The following SMYD2 variants were observed in gnomAD, a reference collection of about 807,000 sequenced individuals.
The protein encoded by SMYD2 is N-lysine methyltransferase SMYD2.
SMYD2 carries 53 observed loss-of-function variants against 59.1 expected under a neutral mutation model. The observed-to-expected ratio is 0.90, with a 90% CI of 0.72 to 1.13. The LOEUF is 1.13. Ranked by LOEUF, SMYD2 falls within the 50% of genes most tolerant of loss-of-function variation. The pLI is 0.00. For missense variants in SMYD2, 494 were observed against 544.7 expected, an observed-to-expected ratio of 0.91 and a Z score of 0.93; for synonymous variants, 208 against 198.8, an observed-to-expected ratio of 1.05 and a Z score of -0.39.
intron 1 of SMYD2, among the ~76,000 whole-genome samples, chr1:214,295,936 G>A (rs1172602203): frequency 6.6e-6 from 1 of 152,172 alleles, no homozygotes; most frequent in African/African-American, 2.4e-5. Context: ...TTCAACCTAT[G>A]GTGAAGTTAT....
At chr1:214,332,344 C>T (rs1657369727) in intron 10 of SMYD2, 152 bp downstream of exon 10, 1 of 868,616 alleles carries the variant, frequency 1.2e-6, no homozygotes, top group Non-Finnish European at 1.7e-6. Context: ...GTGCAGGGCA[C>T]TGCTCCCGAG....
intron 1 of SMYD2, among the ~76,000 whole-genome samples, chr1:214,298,911 G>C (rs556595218): frequency 6.6e-6 from 1 of 152,274 alleles, no homozygotes; most frequent in Non-Finnish European, 1.5e-5. Flanking sequence ...CCAGCACTTT[G>C]GGAGGCTGAG....
chr1:214,333,018 A>G (rs750334306), intron 10 of SMYD2: 9 of 152,104 alleles, frequency 5.9e-5, no homozygotes, highest in Non-Finnish European at 1.3e-4. Flanking sequence ...GTCTCCTTCC[A>G]CTTCCGAGAT....
intron 7 of SMYD2, among the ~76,000 whole-genome samples, chr1:214,329,120 C>T (rs1399456888): frequency 6.6e-6 from 1 of 152,204 alleles, no homozygotes; most frequent in African/African-American, 2.4e-5. Flanking sequence ...TCCTTTTGCC[C>T]TTATGTTCTC....
At chr1:214,286,856 C>CTT (rs34796070) in intron 1 of SMYD2, among the ~76,000 whole-genome samples, 69,110 of 145,110 alleles carry the variant, frequency 0.48, 17,645 homozygotes, top group African/African-American at 0.67. Context: ...GATCTCTCTT[C>CTT]TTTTTTTTTT....
At chr1:214,319,030 C>T (rs775757926) in intron 5 of SMYD2, 47 bp downstream of exon 5, 1 of 1,600,506 alleles carries the variant, frequency 6.2e-7, no homozygotes, top group African/African-American at 1.3e-5. Context: ...CTTTCCCTCT[C>T]CAAGGCCCTC....
chr1:214,309,226 G>A (rs1373720698), intron 2 of SMYD2, among the ~76,000 whole-genome samples: 1 of 152,180 alleles, frequency 6.6e-6, no homozygotes, highest in African/African-American at 2.4e-5. Context: ...AATTGCTAAT[G>A]CATGAAAGGG....
At chr1:214,303,183 T>C (rs2102461963) in intron 1 of SMYD2, among the ~76,000 whole-genome samples, 1 of 152,260 alleles carries the variant, frequency 6.6e-6, no homozygotes, top group Admixed American at 6.5e-5. Context: ...ACTTTTTGGA[T>C]AGACATTTTT....
At chr1:214,311,960 G>A (rs917961094) in intron 2 of SMYD2, among the ~76,000 whole-genome samples, 4 of 152,096 alleles carry the variant, frequency 2.6e-5, no homozygotes, top group Non-Finnish European at 5.9e-5. Context: ...CAGGTATCCC[G>A]AGGGTCATCT....
At chr1:214,309,712 C>G (rs1431179892) in intron 2 of SMYD2, among the ~76,000 whole-genome samples, 1 of 152,208 alleles carries the variant, frequency 6.6e-6, no homozygotes, top group Non-Finnish European at 1.5e-5. Context: ...GTTCAGTTCA[C>G]TCCTGTCAGC....
intron 1 of SMYD2, among the ~76,000 whole-genome samples, chr1:214,283,084 C>A (rs1174622505): frequency 6.6e-6 from 1 of 152,088 alleles, no homozygotes; most frequent in East Asian, 1.9e-4. Flanking sequence ...CAGCCCTGGC[C>A]CCCAGTGAAT....
chr1:214,335,008 G>A (rs566743134), intron 11 of SMYD2, among the ~76,000 whole-genome samples: 35 of 152,330 alleles, frequency 2.3e-4, no homozygotes, highest in Non-Finnish European at 5.9e-5. Context: ...GCCAGGCCCC[G>A]ACCCTCACAT....
rs1558054163 is a variant in SMYD2 at position 214,314,846 on chromosome 1, C to CG, written c.322_323insG (p.Leu108ArgfsTer28). 1 of 1,613,994 alleles carries CG rather than the reference C, an allele frequency of 6.2e-7. No homozygotes were observed. The highest frequency in any genetic ancestry group is 8.5e-7 in the Non-Finnish European group (1 of 1,179,886). On this transcript the variant is annotated frameshift_variant, in exon 3 of 12. Transcript: ENST00000366957. LOFTEE classifies it high-confidence loss of function. ...CTGGAATCCCTCGGAGACTGTAAGA[C>CG]TAACAGCAAGGATTCTGGCCAAACA...
Position 214,314,756 on chromosome 1 carries a change from TCCCAGAAAGAAGATTGG to T in SMYD2, c.238-1_253del, listed in dbSNP as rs751661307. ...TTTTTAATAATGTTTTTTTCAATCT[TCCCAGAAAGAAGATTGG>T]CCCATGCACAAGCTGGAATGTTCTC... On this transcript the variant is annotated splice_acceptor_variant and splice_polypyrimidine_tract_variant and coding_sequence_variant and intron_variant, in exon 3 of 12. Coordinates refer to ENST00000366957, the MANE Select transcript of SMYD2 (RefSeq NM_020197.3). LOFTEE classifies it high-confidence loss of function. 1 of 1,610,018 alleles carries T rather than the reference TCCCAGAAAGAAGATTGG, an allele frequency of 6.2e-7. No homozygotes were observed. Among genetic ancestry groups the T allele is most frequent in the Middle Eastern group, 1.7e-4 (1 of 6,052 alleles).
chr1:214,333,990 C>T, intron 10 of SMYD2: 1 of 445,222 alleles, frequency 2.2e-6, no homozygotes, highest in Non-Finnish European at 4.1e-6. Context: ...TTCAGAAACA[C>T]ACAAACTACA....
intron 2 of SMYD2, among the ~76,000 whole-genome samples, chr1:214,313,165 G>GGA (rs1478044788): frequency 6.6e-6 from 1 of 152,080 alleles, no homozygotes; most frequent in Non-Finnish European, 1.5e-5. Flanking sequence ...TGCCCAGGCT[G>GGA]GAGTGTAGCG....
chr1:214,334,289 G>A lies in SMYD2; in HGVS notation c.1202G>A (p.Gly401Glu), dbSNP rs561139349. 6.2e-7 allele frequency: 1 copy of A among 1,613,664 alleles called. No homozygotes were observed. Among genetic ancestry groups the A allele is most frequent in the African/African-American group, 1.3e-5 (1 of 75,046 alleles). The change falls in exon 11 of 12, where the codon GGG becomes GAG. Residue 401 changes from glycine (G) to glutamate (E), a missense_variant. By Grantham distance (98) the Gly-to-Glu change is moderately conservative. Coordinates refer to ENST00000366957, the MANE Select transcript of SMYD2 (RefSeq NM_020197.3). Reference protein sequence around the residue: ...LYMGLEHKAAGEKALKKAIAI... With the variant: ...LYMGLEHKAAEEKALKKAIAI... The stretch of plus-strand genomic sequence containing the variant: ...ATGGGCCTGGAACACAAAGCCGCAG[G>A]GGAGAAAGCCCTGAAGAAGGTATGT...
chr1:214,313,002 T>C (rs11120292), intron 2 of SMYD2, among the ~76,000 whole-genome samples: 124,131 of 152,174 alleles, frequency 0.82, 51,384 homozygotes, highest in African/African-American at 0.95. Context: ...AGAAAGGTTG[T>C]GGAGCTAAGA....
chr1:214,281,495 C>A (rs1178843789), intron 1 of SMYD2, 68 bp downstream of exon 1: 2 of 1,237,990 alleles, frequency 1.6e-6, no homozygotes, highest in Non-Finnish European at 1.0e-6. Context: ...TGGACGGCGG[C>A]GCCAGGAAGT....
Sources: allele counts gnomAD v4.1 joint callset (sites outside exome capture counted in the v4.1 genomes callset), GRCh38; gene constraint gnomAD v4.1.1; transcripts MANE v1.5; gene names NCBI Gene and HGNC (gene_info 2026-07-23, HGNC 2026-07-21).